The following TGFBR3 variants were observed in gnomAD, a reference collection of about 807,000 sequenced individuals.
TGFBR3 encodes the protein transforming growth factor beta receptor type 3.
TGFBR3 carries 46 observed loss-of-function variants against 87.9 expected under a neutral mutation model. The observed-to-expected ratio is 0.52, with a 90% CI of 0.41 to 0.67. TGFBR3 has a LOEUF of 0.67. Among genes scored for constraint, TGFBR3 ranks in the 30% least tolerant of loss-of-function variants. TGFBR3 has a pLI of 0.00. For missense variants in TGFBR3, 866 were observed against 1,041.9 expected (o/e 0.83, Z 2.32); for synonymous variants, 381 against 391.6 (o/e 0.97, Z 0.32).
chr1:91,700,858 A>G (rs1479211983), intron 14 of TGFBR3, among the ~76,000 whole-genome samples: 1 of 152,238 alleles, frequency 6.6e-6, no homozygotes, highest in Admixed American at 6.5e-5. Flanking sequence ...CTATGAAGGA[A>G]GAGTATCTAC....
intron 13 of TGFBR3, among the ~76,000 whole-genome samples, chr1:91,710,647 AACAGCT>A (rs1671948389): frequency 6.6e-6 from 1 of 152,232 alleles, no homozygotes; most frequent in East Asian, 1.9e-4. Flanking sequence ...AGACAGTGGT[AACAGCT>A]CATCCAAGCC....
intron 2 of TGFBR3, among the ~76,000 whole-genome samples, chr1:91,853,686 A>G (rs746709816): frequency 6.6e-6 from 1 of 152,142 alleles, no homozygotes; most frequent in Non-Finnish European, 1.5e-5. Flanking sequence ...GACAAATATC[A>G]TATATGATCA....
intron 4 of TGFBR3, among the ~76,000 whole-genome samples, chr1:91,746,361 T>G (rs1414370240): frequency 2.0e-5 from 3 of 152,198 alleles, no homozygotes; most frequent in Non-Finnish European, 2.9e-5. Flanking sequence ...TTTTCCAAAG[T>G]AGAGTCCCAG....
intron 2 of TGFBR3, among the ~76,000 whole-genome samples, chr1:91,861,132 T>C (rs903548841): frequency 2.0e-5 from 3 of 152,018 alleles, no homozygotes; most frequent in Admixed American, 2.0e-4. Flanking sequence ...TCAGGCACAG[T>C]GGCACATACC....
chr1:91,889,051 T>C (rs1045549751), upstream of TGFBR3, among the ~76,000 whole-genome samples: 2 of 151,894 alleles, frequency 1.3e-5, no homozygotes, highest in Non-Finnish European at 2.9e-5. Context: ...CCTGGCTAAT[T>C]TTTGTATTTT....
intron 1 of TGFBR3, among the ~76,000 whole-genome samples, chr1:91,901,288 G>C (rs993382986): frequency 6.6e-6 from 1 of 152,154 alleles, no homozygotes; most frequent in Non-Finnish European, 1.5e-5. Context: ...TACTTGGTTA[G>C]TTGGAACACA....
intron 3 of TGFBR3, among the ~76,000 whole-genome samples, chr1:91,762,426 C>G (rs1674004935): frequency 6.6e-6 from 1 of 152,176 alleles, no homozygotes; most frequent in Non-Finnish European, 1.5e-5. Context: ...ATGGATCCAT[C>G]TAATTAAACT....
At chr1:91,787,604 A>G (rs1401743526) in intron 3 of TGFBR3, among the ~76,000 whole-genome samples, 1 of 152,210 alleles carries the variant, frequency 6.6e-6, no homozygotes, top group Non-Finnish European at 1.5e-5. Context: ...AGTGACAAGC[A>G]AAATCCTAAG....
intron 3 of TGFBR3, among the ~76,000 whole-genome samples, chr1:91,774,694 C>T (rs994959448): frequency 1.5e-4 from 23 of 152,148 alleles, no homozygotes; most frequent in Admixed American, 7.9e-4. Context: ...TCGACTCATG[C>T]GGTGATTGGG....
intron 2 of TGFBR3, among the ~76,000 whole-genome samples, chr1:91,819,062 A>G (rs1049488326): frequency 2.6e-5 from 4 of 152,192 alleles, no homozygotes; most frequent in South Asian, 2.1e-4. Flanking sequence ...GGAAGAGCTC[A>G]GAAACAATCC....
At chr1:91,837,794 T>C (rs749076116) in intron 2 of TGFBR3, among the ~76,000 whole-genome samples, 1 of 142,120 alleles carries the variant, frequency 7.0e-6, no homozygotes, top group Non-Finnish European at 1.6e-5. Flanking sequence ...TAAAATCTAA[T>C]AATCATGAAA....
chr1:91,698,595 G>A (rs934586641), intron 14 of TGFBR3, among the ~76,000 whole-genome samples: 3 of 142,280 alleles, frequency 2.1e-5, no homozygotes, highest in South Asian at 2.2e-4. Context: ...TGCAGCCTCC[G>A]CCTCCCAGGC....
At chr1:91,792,699 C>T (rs771235138) in intron 3 of TGFBR3, among the ~76,000 whole-genome samples, 1 of 152,160 alleles carries the variant, frequency 6.6e-6, no homozygotes, top group Non-Finnish European at 1.5e-5. Context: ...AATCAGGAAA[C>T]GCCCTGAGCA....
upstream of TGFBR3, among the ~76,000 whole-genome samples, chr1:91,890,368 A>C (rs1327174686): frequency 3.5e-5 from 5 of 141,306 alleles, no homozygotes; most frequent in Middle Eastern, 4.2e-3. Context: ...AGTCTAAAAG[A>C]CTTTATCATT....
chr1:91,713,051 G>C (rs1672039296), intron 12 of TGFBR3, among the ~76,000 whole-genome samples: 1 of 152,212 alleles, frequency 6.6e-6, no homozygotes, highest in Non-Finnish European at 1.5e-5. Flanking sequence ...TAAGCCTGAT[G>C]AGAGTCCTGC....
intron 3 of TGFBR3, among the ~76,000 whole-genome samples, chr1:91,782,280 T>C (rs1027657077): frequency 1.3e-5 from 2 of 152,086 alleles, no homozygotes; most frequent in African/African-American, 4.8e-5. Flanking sequence ...CCAGAAGTCT[T>C]TTGGGGCCAG....
chr1:91,832,072 C>A (rs1326352371), intron 2 of TGFBR3, among the ~76,000 whole-genome samples: 1 of 152,118 alleles, frequency 6.6e-6, no homozygotes, highest in African/African-American at 2.4e-5. Flanking sequence ...GCTTTTATAT[C>A]CCTTTACTTA....
In TGFBR3 at chr1:91,683,719, C is replaced by T. The variant is rs562004206; in HGVS notation, c.*20G>A. ...CTGAGCTGGGCTGGGCTGGGTTGGG[C>T]CGGGTTGGGCTGGGTTGGGCTAGGC... On this transcript the variant is annotated 3_prime_UTR_variant, in exon 17 of 17. Transcript: ENST00000212355. 4.6e-6 allele frequency: 7 copies of T among 1,529,206 alleles called. No homozygotes were observed. The African/African-American group carries it at 8.2e-5, about 18-fold the overall frequency. 94.7% of individuals were successfully genotyped at this position (1,529,206 alleles called of 1,614,324 possible).
At chr1:91,904,946 C>T (rs574023212) in intron 1 of TGFBR3, among the ~76,000 whole-genome samples, 2 of 152,124 alleles carry the variant, frequency 1.3e-5, no homozygotes, top group South Asian at 2.1e-4. Flanking sequence ...GTGATCCGCC[C>T]GCTTTGGTCT....
Sources: gnomAD v4.1 joint callset for allele counts (sites outside exome capture counted in the v4.1 genomes callset) on GRCh38, gnomAD v4.1.1 for gene constraint, MANE v1.5 for transcripts, NCBI Gene and HGNC (gene_info 2026-07-23, HGNC 2026-07-21) for gene names.